PTK2: variants seen among roughly 807,000 people sequenced by gnomAD.
PTK2 encodes protein tyrosine kinase 2.
PTK2 carries 45 observed loss-of-function variants against 150.1 expected under a neutral mutation model. The ratio of observed to expected loss-of-function variants is 0.30; its 90% confidence interval spans 0.24 to 0.38. PTK2 has a LOEUF of 0.38. Ranked by LOEUF, PTK2 falls within the 10% of genes least tolerant of loss-of-function variation. The pLI is 1.00. For synonymous variants in PTK2, 432 were observed against 449.2 expected, an observed-to-expected ratio of 0.96 and a Z score of 0.48; for missense variants, 919 against 1,307.3, an observed-to-expected ratio of 0.70 and a Z score of 4.58.
chr8:140,803,676 T>C (rs766756852), intron 10 of PTK2, 26 bp from the exon 11 acceptor site: 2 of 1,577,312 alleles, frequency 1.3e-6, no homozygotes, highest in South Asian at 2.2e-5. Context: ...GTAAAATCTT[T>C]AGACTACGGA....
intron 5 of PTK2, among the ~76,000 whole-genome samples, chr8:140,854,046 T>A (rs548417397): frequency 6.6e-6 from 1 of 152,354 alleles, no homozygotes; most frequent in South Asian, 2.1e-4. Context: ...GAAATAAGTA[T>A]GCCCTGGCAC....
At chr8:140,739,520 G>A (rs1447357801) in intron 20 of PTK2, among the ~76,000 whole-genome samples, 1 of 152,148 alleles carries the variant, frequency 6.6e-6, no homozygotes, top group Admixed American at 6.6e-5. Flanking sequence ...ATCCTCACTG[G>A]TGGTAGTTAT....
At chr8:140,830,371 G>C in intron 8 of PTK2, 101 bp downstream of exon 8, 1 of 711,016 alleles carries the variant, frequency 1.4e-6, no homozygotes, top group Non-Finnish European at 2.3e-6. Context: ...TACATGTAAG[G>C]AAGGAAACTA....
At chr8:140,850,768 C>T (rs1186104962) in intron 5 of PTK2, among the ~76,000 whole-genome samples, 1 of 152,060 alleles carries the variant, frequency 6.6e-6, no homozygotes, top group Admixed American at 6.6e-5. Context: ...TGGATTTGGA[C>T]TTCTTTCTTT....
chr8:140,868,290 A>C (rs2100140524), intron 4 of PTK2, among the ~76,000 whole-genome samples: 1 of 152,236 alleles, frequency 6.6e-6, no homozygotes, highest in Non-Finnish European at 1.5e-5. Flanking sequence ...CACAACACAG[A>C]TGCCCTCATA....
intron 24 of PTK2, among the ~76,000 whole-genome samples, chr8:140,703,236 C>G (rs1391523618): frequency 6.6e-6 from 1 of 151,776 alleles, no homozygotes; most frequent in Non-Finnish European, 1.5e-5. Flanking sequence ...GCACTCCAGC[C>G]TGGGTGACAG....
chr8:140,746,176 TA>T (rs2100058617), intron 18 of PTK2, among the ~76,000 whole-genome samples: 1 of 151,818 alleles, frequency 6.6e-6, no homozygotes, highest in South Asian at 2.1e-4. Flanking sequence ...TATAAAGAAT[TA>T]AAAAATTAGT....
chr8:140,999,429 T>C (rs1427791142), intron 1 of PTK2, among the ~76,000 whole-genome samples: 2 of 152,240 alleles, frequency 1.3e-5, no homozygotes, highest in Admixed American at 6.5e-5. Flanking sequence ...AGGTTCAAAA[T>C]GATGGTAGGT....
chr8:140,935,524 G>A (rs935720990), intron 1 of PTK2, among the ~76,000 whole-genome samples: 2 of 152,098 alleles, frequency 1.3e-5, no homozygotes, highest in African/African-American at 2.4e-5. Flanking sequence ...GAATATAAAC[G>A]GGGTTATCCT....
At chr8:140,938,922 C>A (rs2100174678) in intron 1 of PTK2, among the ~76,000 whole-genome samples, 2 of 151,956 alleles carry the variant, frequency 1.3e-5, no homozygotes. Context: ...GCAGGAGGAT[C>A]GCTTGAGCCC....
chr8:140,675,526 T>C (rs1189325917), intron 27 of PTK2, 27 bp from the exon 31 acceptor site: 7 of 1,555,106 alleles, frequency 4.5e-6, no homozygotes, highest in Non-Finnish European at 6.2e-6. Flanking sequence ...GTTCAGTCAA[T>C]GCACTGGTAT....
At chr8:140,965,246 G>A (rs1285067203) in intron 1 of PTK2, among the ~76,000 whole-genome samples, 1 of 152,080 alleles carries the variant, frequency 6.6e-6, no homozygotes, top group Non-Finnish European at 1.5e-5. Context: ...CTAAACTATT[G>A]TCAGTTTACA....
intron 10 of PTK2, among the ~76,000 whole-genome samples, chr8:140,807,941 C>A (rs917799383): frequency 6.6e-6 from 1 of 152,028 alleles, no homozygotes; most frequent in East Asian, 1.9e-4. Flanking sequence ...ATTGGCAAGG[C>A]ATTGAGGGGT....
chr8:140,930,636 T>A (rs2100171361), intron 1 of PTK2, among the ~76,000 whole-genome samples: 1 of 152,236 alleles, frequency 6.6e-6, no homozygotes, highest in African/African-American at 2.4e-5. Flanking sequence ...TTTAGACTCA[T>A]GTATTATTTA....
intron 23 of PTK2, among the ~76,000 whole-genome samples, chr8:140,712,171 C>T (rs1462964114): frequency 6.6e-6 from 1 of 151,672 alleles, no homozygotes; most frequent in Non-Finnish European, 1.5e-5. Context: ...TATTAATTCA[C>T]TTAAGAATAA....
chr8:140,731,125 A>C (rs1470975424), intron 22 of PTK2, among the ~76,000 whole-genome samples: 1 of 151,852 alleles, frequency 6.6e-6, no homozygotes, highest in Non-Finnish European at 1.5e-5. Context: ...ACGCCGGGCT[A>C]ATTTTTGTAT....
chr8:140,847,065 C>G (rs1199085134), intron 5 of PTK2, among the ~76,000 whole-genome samples: 1 of 152,162 alleles, frequency 6.6e-6, no homozygotes, highest in Non-Finnish European at 1.5e-5. Context: ...CGAATAGGGT[C>G]TGAATCATAA....
At chr8:140,793,448 A>G (rs2100089795) in intron 12 of PTK2, 64 bp from the exon 13 acceptor site, 1 of 1,559,874 alleles carries the variant, frequency 6.4e-7, no homozygotes, top group Non-Finnish European at 8.7e-7. Flanking sequence ...GATGGTGCCT[A>G]GAATCAGGGA....
rs368421010 is a variant in PTK2, at chr8:140,827,380, T to A, written c.648+3092A>T. Among the ~76,000 whole-genome samples the A allele has an allele frequency of 2.2e-4, 33 of 152,188 alleles. 1 individual carries two copies. Among genetic ancestry groups the A allele is most frequent in the African/African-American group, 7.5e-4 (31 of 41,498 alleles). On this transcript the variant is annotated intron_variant, in intron 8 of 31. Transcript: ENST00000522684. The stretch of plus-strand genomic sequence containing the variant: ...CTGTTTCTAGGGTGTGAGCCCTCTC[T>A]GGCCACCAGGAGTTATCTGATACCC...
Sources: allele counts gnomAD v4.1 joint callset (sites outside exome capture counted in the v4.1 genomes callset), GRCh38; gene constraint gnomAD v4.1.1; transcripts MANE v1.5; gene names NCBI Gene and HGNC (gene_info 2026-07-23, HGNC 2026-07-21).